The following ITPR1 variants were observed in gnomAD, a reference collection of about 807,000 sequenced individuals.
ITPR1 encodes the protein inositol 1,4,5-trisphosphate-gated calcium channel ITPR1.
Under a neutral mutation model 318.4 loss-of-function variants are expected in ITPR1, and 96 were observed. That is an observed-to-expected ratio of 0.30 (90% CI 0.26 to 0.36). ITPR1 has a LOEUF of 0.36. Ranked by LOEUF, ITPR1 falls within the 10% of genes least tolerant of loss-of-function variation. The pLI is 1.00. For missense variants in ITPR1, 2,440 were observed against 3,460.2 expected (o/e 0.71, Z 7.40); for synonymous variants, 1,312 against 1,289.9 (o/e 1.02, Z -0.37).
intron 44 of ITPR1, among the ~76,000 whole-genome samples, chr3:4,738,229 A>C (rs964498373): frequency 2.6e-5 from 4 of 152,222 alleles, no homozygotes; most frequent in African/African-American, 9.6e-5. Flanking sequence ...AAAAGAAAAA[A>C]AACAACAACT....
chr3:4,733,971 T>C (rs1395593826), intron 43 of ITPR1, among the ~76,000 whole-genome samples: 1 of 152,230 alleles, frequency 6.6e-6, no homozygotes, highest in Non-Finnish European at 1.5e-5. Flanking sequence ...TCCTGTCTTA[T>C]GGTGATGACT....
intron 60 of ITPR1, among the ~76,000 whole-genome samples, chr3:4,832,146 G>A (rs1474665040): frequency 6.6e-6 from 1 of 152,048 alleles, no homozygotes; most frequent in Non-Finnish European, 1.5e-5. Flanking sequence ...CCACTTCAGT[G>A]CAGAAAAGAT....
At chr3:4,742,892 C>T (rs573821997) in intron 44 of ITPR1, among the ~76,000 whole-genome samples, 1 of 152,184 alleles carries the variant, frequency 6.6e-6, no homozygotes. Flanking sequence ...GGGGGACGCT[C>T]TGTCTTATGT....
chr3:4,620,760 A>G (rs2092598962), intron 4 of ITPR1, among the ~76,000 whole-genome samples: 1 of 150,544 alleles, frequency 6.6e-6, no homozygotes, highest in Admixed American at 6.6e-5. Flanking sequence ...GAAGCTTTGA[A>G]TCAAGTTCAA....
At chr3:4,808,864 CT>C (rs1462550766) in intron 55 of ITPR1, among the ~76,000 whole-genome samples, 1 of 152,094 alleles carries the variant, frequency 6.6e-6, no homozygotes, top group Admixed American at 6.5e-5. Context: ...GCTGCCCCCC[CT>C]CCCCCACAAA....
intron 4 of ITPR1, among the ~76,000 whole-genome samples, chr3:4,553,215 C>T (rs1324486585): frequency 1.3e-5 from 2 of 151,812 alleles, no homozygotes; most frequent in African/African-American, 2.4e-5. Flanking sequence ...AAAGGATGGG[C>T]GGGCATTAAA....
chr3:4,614,510 A>G (rs1213286509), intron 4 of ITPR1, among the ~76,000 whole-genome samples: 1 of 152,224 alleles, frequency 6.6e-6, no homozygotes, highest in African/African-American at 2.4e-5. Flanking sequence ...TGTGGTTATT[A>G]CCTCTTTATA....
chr3:4,730,060 T>C lies in ITPR1; in HGVS notation c.5220+2887T>C, dbSNP rs761274315. On this transcript the variant is annotated intron_variant, in intron 42 of 61. Transcript: ENST00000649015. ...CTGCAGATTTTAATTTTTCTTAAAT[T>C]AAACCACTGGCTCAAACAGAATTTT... Among the ~76,000 whole-genome samples, 96 of 152,008 alleles carry C rather than the reference T, an allele frequency of 6.3e-4. 1 individual carries two copies. The highest frequency in any genetic ancestry group is 1.2e-3 in the Non-Finnish European group (81 of 68,008).
chr3:4,727,150 C>T lies in ITPR1; in HGVS notation c.5197C>T (p.Arg1733Trp), dbSNP rs755973428. Residue 1733 changes from arginine to tryptophan, a missense_variant, in exon 42 of 62, where the codon CGG (arginine) becomes TGG (tryptophan). Transcript: ENST00000649015. ...TEELEPSPPL[R>W]QLEDHKRGEA... ...GGAGCTTGAACCAAGTCCACCCCTGCGGCAGCTGGAAGACCATAAAAGGGT... is the reference window on the plus strand; with the variant it reads ...GGAGCTTGAACCAAGTCCACCCCTGTGGCAGCTGGAAGACCATAAAAGGGT... The T allele has an allele frequency of 1.4e-5, 22 of 1,596,966 alleles. No individual in the cohort carries two copies. The highest frequency in any genetic ancestry group is 1.7e-5 in the Non-Finnish European group (20 of 1,178,318).
chr3:4,562,555 A>G (rs1438670999), intron 4 of ITPR1, among the ~76,000 whole-genome samples: 2 of 152,308 alleles, frequency 1.3e-5, no homozygotes, highest in East Asian at 3.9e-4. Context: ...TGTTTATAGT[A>G]GGGATCATTT....
At chr3:4,784,829 G>A (rs973899940) in intron 51 of ITPR1, among the ~76,000 whole-genome samples, 22 of 152,032 alleles carry the variant, frequency 1.4e-4, no homozygotes, top group African/African-American at 5.1e-4. Context: ...CCTAGGAGGC[G>A]GGGATTGCAG....
chr3:4,636,859 A>G (rs756359891), intron 5 of ITPR1, among the ~76,000 whole-genome samples: 1 of 152,204 alleles, frequency 6.6e-6, no homozygotes, highest in Non-Finnish European at 1.5e-5. Flanking sequence ...CTCGTGTTTA[A>G]TTAGTCTTTA....
chr3:4,508,297 G>A (rs2081536658), intron 2 of ITPR1, among the ~76,000 whole-genome samples: 1 of 152,072 alleles, frequency 6.6e-6, no homozygotes, highest in South Asian at 2.1e-4. Context: ...CCCTTAACTA[G>A]TATAAAGTCA....
At chr3:4,738,271 T>G (rs1201183869) in intron 44 of ITPR1, among the ~76,000 whole-genome samples, 8 of 152,166 alleles carry the variant, frequency 5.3e-5, no homozygotes, top group Non-Finnish European at 1.2e-4. Flanking sequence ...TTAGTGTGCT[T>G]TACTGTACCT....
chr3:4,659,972 T>C (rs1437537583), intron 13 of ITPR1, among the ~76,000 whole-genome samples: 3 of 152,188 alleles, frequency 2.0e-5, no homozygotes, highest in Non-Finnish European at 4.4e-5. Flanking sequence ...TCTGTTTGCC[T>C]CATTTGCACC....
At chr3:4,760,679 T>C (rs1446868718) in intron 44 of ITPR1, among the ~76,000 whole-genome samples, 1 of 152,190 alleles carries the variant, frequency 6.6e-6, no homozygotes, top group Non-Finnish European at 1.5e-5. Context: ...GGAGAAGGCT[T>C]CCTTGCCTTT....
Position 4,696,554 on chromosome 3 carries a change from A to G in ITPR1, c.4282-593A>G, listed in dbSNP as rs548179902. Reference sequence around the variant, plus strand: ...TGTTTCCGCTTTTTGACTATTGTGAATAATGCTACTGTGCACACTTGTATA... The same window carrying G: ...TGTTTCCGCTTTTTGACTATTGTGAGTAATGCTACTGTGCACACTTGTATA... On this transcript the variant is annotated intron_variant, in intron 33 of 61. Coordinates refer to ENST00000649015, the MANE Select transcript of ITPR1 (RefSeq NM_001378452.1). Among the ~76,000 whole-genome samples, 4 of 152,284 alleles carry G rather than the reference A, an allele frequency of 2.6e-5. No homozygotes were observed. The South Asian group carries it at 8.3e-4, about 32-fold the overall frequency.
intron 4 of ITPR1, among the ~76,000 whole-genome samples, chr3:4,533,004 T>G (rs1295322859): frequency 1.3e-5 from 2 of 152,172 alleles, no homozygotes; most frequent in Non-Finnish European, 2.9e-5. Context: ...ATGATTCCAT[T>G]TGACTGTGTG....
intron 44 of ITPR1, chr3:4,751,028 A>T (rs2125345393): frequency 6.5e-6 from 1 of 152,704 alleles, no homozygotes; most frequent in East Asian, 1.9e-4. Flanking sequence ...CCAAATTCAG[A>T]TTGCTCCAAA....
Sources: gnomAD v4.1 joint callset for allele counts (sites outside exome capture counted in the v4.1 genomes callset) on GRCh38, gnomAD v4.1.1 for gene constraint, MANE v1.5 for transcripts, NCBI Gene and HGNC (gene_info 2026-07-23, HGNC 2026-07-21) for gene names.